SLC17A7: variants seen among roughly 807,000 people sequenced by gnomAD.
SLC17A7 encodes the protein solute carrier family 17 member 7.
SLC17A7 carries 15 observed loss-of-function variants against 59.1 expected under a neutral mutation model. The ratio of observed to expected loss-of-function variants is 0.25; its 90% CI spans 0.17 to 0.39. The LOEUF (loss-of-function observed/expected upper bound fraction) is 0.39. SLC17A7 is among the 10% of genes least tolerant of loss of function. SLC17A7 has a pLI of 1.00. For synonymous variants in SLC17A7, 353 were observed against 308.9 expected (o/e 1.14, Z -1.50); for missense variants, 499 against 765.1 (o/e 0.65, Z 4.10).
chr19:49,429,723 A>C lies in SLC17A7; in HGVS notation c.*796T>G. 2.6e-6 allele frequency: 1 copy of C among 392,042 alleles called. No homozygotes were observed. The highest frequency in any genetic ancestry group is 4.5e-6 in the Non-Finnish European group (1 of 222,264). 24.3% of individuals were successfully genotyped at this position (392,042 alleles called of 1,614,324 possible). A position where few individuals can be genotyped will look rare whatever the true frequency, so the allele number is the denominator to read the frequency against. ...GGGGAGGGGGCATCATGAAACCACC[A>C]TGGGGGAGTTCAATGGTGGTAGCTT... On this transcript the variant is annotated 3_prime_UTR_variant, in exon 12 of 12. Transcript: ENST00000221485.
At position 49,430,519 on chromosome 19, in the gene SLC17A7, TC is replaced by T. The variant is rs1298699589; in HGVS notation, c.1682del (p.Ter561TyrfsTer21). 6.4e-7 allele frequency: 1 copy of T among 1,559,466 alleles called. No homozygotes were observed. The highest frequency in any genetic ancestry group is 1.2e-5 in the South Asian group (1 of 81,714). On this transcript the variant is annotated frameshift_variant and stop_lost, in exon 12 of 12. Transcript: ENST00000221485. LOFTEE classifies it high-confidence loss of function. ...CTGCCATTCAGTGGGAGGCACATGG[TC>T]AGTAGTCCCGGACAGGGGGTGGGGG... ...PRPPPPVRDY[*>X]
intron 2 of SLC17A7, 51 bp from the exon 3 acceptor site, chr19:49,435,337 C>G (rs2078976144): frequency 8.3e-6 from 11 of 1,330,946 alleles, no homozygotes; most frequent in African/African-American, 1.4e-5. Context: ...GGCTCTGCCG[C>G]TCCACCAATC....
At position 49,430,442 on chromosome 19, in the gene SLC17A7, T is replaced by C; in HGVS notation, c.*77A>G. The C allele has an allele frequency of 3.8e-6, 4 of 1,058,456 alleles. No individual in the cohort carries two copies. The highest frequency in any genetic ancestry group is 5.5e-6 in the Non-Finnish European group (4 of 729,200). The allele number at this position is 1,058,456 out of a possible 1,614,324, so 65.6% of individuals were successfully genotyped here. On this transcript the variant is annotated 3_prime_UTR_variant, in exon 12 of 12. Transcript: ENST00000221485. ...GAGGCAGGACAGAGAGGAGCAGGGT[T>C]CCTTGACACTGTCACTCAGGCCAGA... is the stretch of plus-strand genomic sequence containing the variant.
At chr19:49,432,070 T>A (rs2078962777) in intron 9 of SLC17A7, among the ~76,000 whole-genome samples, 1 of 152,126 alleles carries the variant, frequency 6.6e-6, no homozygotes, top group Admixed American at 6.5e-5. Context: ...CGATCCTCCC[T>A]TCTCAGCCTC....
Position 49,441,243 on chromosome 19 carries a change from A to G in SLC17A7, c.62+75T>C, listed in dbSNP as rs1044402307. 6 of 1,560,372 alleles carry G rather than the reference A, an allele frequency of 3.8e-6. No homozygotes were observed. The African/African-American group carries it at 8.2e-5, about 21-fold the overall frequency. ...CCGGGGTATCGCCCGTTCATCTGTC[A>G]GTCTGCGCCCAGGTGGGAATTAGCA... On this transcript the variant is annotated intron_variant, in intron 1 of 11. Coordinates refer to ENST00000221485, the MANE Select transcript of SLC17A7 (RefSeq NM_020309.4).
rs2078960380 is a variant in SLC17A7 at position 49,431,617 on chromosome 19, A to AC, written c.1151-170dup. Among the ~76,000 whole-genome samples, 1 of 150,686 alleles carries AC rather than the reference A, an allele frequency of 6.6e-6. No homozygotes were observed. On this transcript the variant is annotated intron_variant, in intron 9 of 11. Transcript: ENST00000221485. This position sits in a 1 kb window ranked among gnomAD's most constrained non-coding sequence, Gnocchi z 4.6. ...CGCGCCCTCCACGCCACCCGCACCC[A>AC]CCCTAACCAGGCCCCTACTTCTCCA...
rs1367482017 is a variant in SLC17A7 at position 49,431,224 on chromosome 19, C to T, written c.1262-82G>A. Reference sequence around the variant, plus strand: ...ACTGGGACGTTCTCAACCCTCTCCCCTCCCCGCCACTCATGTTCCACCTTT... The same window carrying T: ...ACTGGGACGTTCTCAACCCTCTCCCTTCCCCGCCACTCATGTTCCACCTTT... On this transcript the variant is annotated intron_variant, in intron 10 of 11. Transcript: ENST00000221485. The surrounding 1 kb of genome is among the most constrained non-coding windows in gnomAD (Gnocchi z 4.6). The T allele has an allele frequency of 3.8e-6, 6 of 1,562,530 alleles. No homozygotes were observed. The highest frequency in any genetic ancestry group is 2.4e-5 in the South Asian group (2 of 82,826).
intron 1 of SLC17A7, among the ~76,000 whole-genome samples, chr19:49,440,845 T>G (rs2078997373): frequency 7.0e-6 from 1 of 143,780 alleles, no homozygotes; most frequent in Non-Finnish European, 1.5e-5. Flanking sequence ...GAGTCAGGAG[T>G]TGATAGAGAT....
rs770127337 is a variant in SLC17A7, at chr19:49,441,418, C to G, written c.-39G>C. On this transcript the variant is annotated 5_prime_UTR_variant, in exon 1 of 12. Coordinates refer to ENST00000221485, the MANE Select transcript of SLC17A7 (RefSeq NM_020309.4). The stretch of plus-strand genomic sequence containing the variant: ...GCCGCCGGTCACCCCGCGGGTCCCC[C>G]CCGCCGATCCCCCCGCCCGCGGGCC... 7.0e-7 allele frequency: 1 copy of G among 1,433,504 alleles called. No homozygotes were observed. Among genetic ancestry groups the G allele is most frequent in the South Asian group, 1.3e-5 (1 of 74,532 alleles). The allele number at this position is 1,433,504 out of a possible 1,614,324, so 88.8% of individuals were successfully genotyped here. A position where few individuals can be genotyped will look rare whatever the true frequency, so the allele number is the denominator to read the frequency against.
In SLC17A7 at chr19:49,436,814, A is replaced by G; in HGVS notation, c.63-13T>C. 1 of 1,598,242 alleles carries G rather than the reference A, an allele frequency of 6.3e-7. No individual in the cohort carries two copies. The highest frequency in any genetic ancestry group is 8.5e-7 in the Non-Finnish European group (1 of 1,178,416). On this transcript the variant is annotated splice_polypyrimidine_tract_variant and intron_variant, in intron 1 of 11. Transcript: ENST00000221485. The surrounding 1 kb of genome is among the most constrained non-coding windows in gnomAD (Gnocchi z 4.1). The stretch of plus-strand genomic sequence containing the variant: ...CTTCTCCAGAAGGCTGCGGGACAGC[A>G]AGAGCCAGAGACTCGGAAGTCCAGG...
chr19:49,436,463 C>T lies in SLC17A7; in HGVS notation c.315+86G>A. 6.5e-7 allele frequency: 1 copy of T among 1,536,998 alleles called. No homozygotes were observed. Among genetic ancestry groups the T allele is most frequent in the Non-Finnish European group, 8.8e-7 (1 of 1,137,312 alleles). ...TTCGGAAGGGGCGTGGCCTGGACGT[C>T]TGGTGGGTGAGTGTGACGTCATGGG... On this transcript the variant is annotated intron_variant, in intron 2 of 11. Coordinates refer to ENST00000221485, the MANE Select transcript of SLC17A7 (RefSeq NM_020309.4). The surrounding 1 kb of genome is among the most constrained non-coding windows in gnomAD (Gnocchi z 4.1).
At position 49,441,409 on chromosome 19, in the gene SLC17A7, CG is replaced by C; in HGVS notation, c.-31del. ...GCGGCTCCTGCCGCCGGTCACCCCG[CG>C]GGTCCCCCCCGCCGATCCCCCCGCC... On this transcript the variant is annotated 5_prime_UTR_variant, in exon 1 of 12. Transcript: ENST00000221485. 6.8e-7 allele frequency: 1 copy of C among 1,477,816 alleles called. No individual in the cohort carries two copies. Among genetic ancestry groups the C allele is most frequent in the Non-Finnish European group, 9.0e-7 (1 of 1,115,696 alleles). The allele number at this position is 1,477,816 out of a possible 1,614,324, so 91.5% of individuals were successfully genotyped here.
rs1568634648 is a variant in SLC17A7, at chr19:49,433,912, C to T, written c.725-44G>A. On this transcript the variant is annotated intron_variant, in intron 6 of 11. Coordinates refer to ENST00000221485, the MANE Select transcript of SLC17A7 (RefSeq NM_020309.4). The surrounding 1 kb of genome is among the most constrained non-coding windows in gnomAD (Gnocchi z 5.7). ...GGATGGGAGCGAGGTGAGGACCGGC[C>T]CCGCTCCGCCCCAGCGCCACCCGGA... 3 of 1,613,062 alleles carry T rather than the reference C, an allele frequency of 1.9e-6. No individual in the cohort carries two copies. Among genetic ancestry groups the T allele is most frequent in the Non-Finnish European group, 2.5e-6 (3 of 1,179,584 alleles).
intron 1 of SLC17A7, among the ~76,000 whole-genome samples, chr19:49,439,327 G>C (rs1769269542): frequency 6.6e-6 from 1 of 152,136 alleles, no homozygotes; most frequent in African/African-American, 2.4e-5. Flanking sequence ...TCACAGACAA[G>C]AACAGCAATG....
rs777035238 is a variant in SLC17A7, at chr19:49,433,116, C to T, written c.868-156G>A. 2.6e-6 allele frequency: 2 copies of T among 759,736 alleles called. No individual in the cohort carries two copies. The highest frequency in any genetic ancestry group is 2.8e-5 in the Admixed American group (1 of 35,908). 47.1% of individuals were successfully genotyped at this position (759,736 alleles called of 1,614,324 possible). A position where few individuals can be genotyped will look rare whatever the true frequency, so the allele number is the denominator to read the frequency against. On this transcript the variant is annotated intron_variant, in intron 7 of 11. Coordinates refer to ENST00000221485, the MANE Select transcript of SLC17A7 (RefSeq NM_020309.4). The surrounding 1 kb of genome is among the most constrained non-coding windows in gnomAD (Gnocchi z 5.7). ...AAAGGCGCGGGCTACACCATGTTGC[C>T]GTGGGGACCCAGGGATCCTAGCCTC... is the stretch of plus-strand genomic sequence containing the variant.
chr19:49,436,176 G>T lies in SLC17A7; in HGVS notation c.315+373C>A. On this transcript the variant is annotated intron_variant, in intron 2 of 11. Transcript: ENST00000221485. This position sits in a 1 kb window ranked among gnomAD's most constrained non-coding sequence, Gnocchi z 4.1. ...ACATTCAGGGAGGAACCTGAGATGGGACTGAGATTAAATAGATGTGACCCG... is the reference window on the plus strand; with the variant it reads ...ACATTCAGGGAGGAACCTGAGATGGTACTGAGATTAAATAGATGTGACCCG... 4.0e-6 allele frequency: 1 copy of T among 246,990 alleles called. No homozygotes were observed. The highest frequency in any genetic ancestry group is 7.5e-5 in the South Asian group (1 of 13,394). The allele number at this position is 246,990 out of a possible 1,614,324, so 15.3% of individuals were successfully genotyped here.
chr19:49,435,349 G>T, intron 2 of SLC17A7, 63 bp from the exon 3 acceptor site: 1 of 1,195,524 alleles, frequency 8.4e-7, no homozygotes, highest in Non-Finnish European at 1.2e-6. Context: ...CCACCAATCA[G>T]CACCCACAGA....
In SLC17A7 at chr19:49,433,031, C is replaced by G; in HGVS notation, c.868-71G>C. 1 of 1,473,500 alleles carries G rather than the reference C, an allele frequency of 6.8e-7. No individual in the cohort carries two copies. Among genetic ancestry groups the G allele is most frequent in the South Asian group, 1.2e-5 (1 of 80,642 alleles). 91.3% of individuals were successfully genotyped at this position (1,473,500 alleles called of 1,614,324 possible). ...GGGCTTCTCCGCGTCCCTTCAGGGA[C>G]CACAGTGTAGTTCTGCAGAAACCAA... is the stretch of plus-strand genomic sequence containing the variant. On this transcript the variant is annotated intron_variant, in intron 7 of 11. Transcript: ENST00000221485. This position sits in a 1 kb window ranked among gnomAD's most constrained non-coding sequence, Gnocchi z 5.7.
chr19:49,441,311 G>A lies in SLC17A7; in HGVS notation c.62+7C>T, dbSNP rs118004903. 121,232 of 1,609,214 alleles carry A rather than the reference G, an allele frequency of 0.075. 5,204 individuals are homozygous for A. The highest frequency in any genetic ancestry group is 0.088 in the Non-Finnish European group (104,061 of 1,178,490). Reference sequence around the variant, plus strand: ...CACTCTTCTCCCGGGACCCCCGCCAGGCTCACCGGTGCAGCTTCCCGAGAG... The same window carrying A: ...CACTCTTCTCCCGGGACCCCCGCCAAGCTCACCGGTGCAGCTTCCCGAGAG... On this transcript the variant is annotated splice_region_variant and intron_variant, in intron 1 of 11. Coordinates refer to ENST00000221485, the MANE Select transcript of SLC17A7 (RefSeq NM_020309.4).
Sources: gnomAD v4.1 joint callset for allele counts (sites outside exome capture counted in the v4.1 genomes callset) on GRCh38, gnomAD v4.1.1 for gene constraint, Gnocchi (gnomAD v3.1) non-coding constraint, MANE v1.5 for transcripts, NCBI Gene and HGNC (gene_info 2026-07-23, HGNC 2026-07-21) for gene names.